Variants in TMEM59 observed in about 807,000 individuals in gnomAD.
TMEM59 encodes the protein transmembrane protein 59.
In TMEM59, 44 loss-of-function variants were observed where a neutral mutation model predicts 42.2. That is an observed-to-expected ratio of 1.04 (90% CI 0.82 to 1.34). The LOEUF (loss-of-function observed/expected upper bound fraction) is 1.34. Ranked by LOEUF, TMEM59 falls within the 40% of genes most tolerant of loss-of-function variation. TMEM59 has a pLI of 0.00. For missense variants in TMEM59, 359 were observed against 382.8 expected (o/e 0.94, Z 0.52); for synonymous variants, 148 against 145.8 (o/e 1.02, Z -0.11).
intron 7 of TMEM59, chr1:54,033,557 G>A (rs1269414689): frequency 9.0e-5 from 13 of 144,354 alleles, no homozygotes; most frequent in South Asian, 4.4e-4. Context: ...GGGTGAGATC[G>A]CGACACTGCC....
At chr1:54,037,457 C>T (rs191628847) in intron 6 of TMEM59, among the ~76,000 whole-genome samples, 3 of 152,118 alleles carry the variant, frequency 2.0e-5, no homozygotes, top group East Asian at 1.9e-4. Context: ...AACTCATGGG[C>T]GCAAGCCATT....
At chr1:54,052,227 G>A (rs1388410213) in intron 1 of TMEM59, among the ~76,000 whole-genome samples, 5 of 152,164 alleles carry the variant, frequency 3.3e-5, no homozygotes, top group African/African-American at 1.2e-4. Flanking sequence ...AAACCAACGT[G>A]AAGAGGGTTA....
At chr1:54,036,464 T>C in intron 7 of TMEM59, 146 bp downstream of exon 7, 2 of 516,970 alleles carry the variant, frequency 3.9e-6, no homozygotes, top group Non-Finnish European at 6.7e-6. Context: ...GTAATTTTTA[T>C]GTGTGCCAAC....
At chr1:54,052,940 T>G in intron 1 of TMEM59, 60 bp downstream of exon 1, 1 of 1,553,616 alleles carries the variant, frequency 6.4e-7, no homozygotes, top group Non-Finnish European at 8.7e-7. Flanking sequence ...GACATACGTG[T>G]GGGGAGCCGA....
chr1:54,045,688 G>T lies in TMEM59; in HGVS notation c.390+4C>A. 6.2e-7 allele frequency: 1 copy of T among 1,613,922 alleles called. No homozygotes were observed. Among genetic ancestry groups the T allele is most frequent in the Non-Finnish European group, 8.5e-7 (1 of 1,179,856 alleles). On this transcript the variant is annotated splice_donor_region_variant and intron_variant, in intron 3 of 7. Coordinates refer to ENST00000234831, the MANE Select transcript of TMEM59 (RefSeq NM_004872.5). ...CTAGTTTGAAAGGCAGTATTGTTTC[G>T]TACTTGTTCTTGTCTCAGTTCAGCG...
At position 54,041,580 on chromosome 1, in the gene TMEM59, G is replaced by A. The variant is rs1274339195; in HGVS notation, c.625+144C>T. On this transcript the variant is annotated intron_variant, in intron 5 of 7. Transcript: ENST00000234831. ...TGTGTTTGAACAAGCTCTCCAAACT[G>A]TAATACACATGAAAGTTTGAGAACC... The A allele has an allele frequency of 3.6e-5, 22 of 618,390 alleles. No homozygotes were observed. In the Admixed American group the frequency reaches 6.2e-4, roughly 18 times the overall value. The allele number at this position is 618,390 out of a possible 1,614,324, so 38.3% of individuals were successfully genotyped here.
chr1:54,047,560 C>A (rs77321074), intron 1 of TMEM59, 188 bp from the exon 2 acceptor site: 1 of 519,138 alleles, frequency 1.9e-6, no homozygotes, highest in East Asian at 3.6e-5. Flanking sequence ...GGTTTTAGTT[C>A]CTTATTTTAA....
In TMEM59 at chr1:54,032,124, A is replaced by T. The variant is rs1656782138; in HGVS notation, c.*26T>A. 1.3e-6 allele frequency: 2 copies of T among 1,595,266 alleles called. No individual in the cohort carries two copies. Among genetic ancestry groups the T allele is most frequent in the Non-Finnish European group, 1.7e-6 (2 of 1,172,786 alleles). ...AGGAGTGGAATTTTAGATGTCTATTACACTTGTCTTTTAAAAGAAAAATGC... is the reference window on the plus strand; with the variant it reads ...AGGAGTGGAATTTTAGATGTCTATTTCACTTGTCTTTTAAAAGAAAAATGC... On this transcript the variant is annotated 3_prime_UTR_variant, in exon 8 of 8. Transcript: ENST00000234831.
At position 54,036,593 on chromosome 1, in the gene TMEM59, G is replaced by GTC. The variant is rs3215928; in HGVS notation, c.816+16_816+17insGA. 76,179 of 1,562,260 alleles carry GTC rather than the reference G, an allele frequency of 0.049. 6,185 individuals are homozygous for GTC. Among genetic ancestry groups the GTC allele is most frequent in the African/African-American group, 0.37 (27,163 of 72,470 alleles). On this transcript the variant is annotated intron_variant, in intron 7 of 7. Coordinates refer to ENST00000234831, the MANE Select transcript of TMEM59 (RefSeq NM_004872.5). The stretch of plus-strand genomic sequence containing the variant: ...TATCACAGGGCTCAGTCTTCAAATG[G>GTC]TAAGAATTAAATTTACCTCAGAGGG...
At chr1:54,041,931 A>G (rs1247679733) in intron 4 of TMEM59, 126 bp from the exon 5 acceptor site, 3 of 647,482 alleles carry the variant, frequency 4.6e-6, no homozygotes, top group Admixed American at 6.2e-5. Flanking sequence ...ACTGTATAAA[A>G]AATAAAACAC....
Position 54,052,999 on chromosome 1 carries a change from C to T in TMEM59, c.189+1G>A, listed in dbSNP as rs1657616138. ...CGCAGCCCGCTCCGGACGGGCCCTA[C>T]CTTAGGGTAGGTGTGCAAGGGGTAG... On this transcript the variant is annotated splice_donor_variant, in intron 1 of 7. Coordinates refer to ENST00000234831, the MANE Select transcript of TMEM59 (RefSeq NM_004872.5). LOFTEE classifies it high-confidence loss of function. 3 of 1,612,648 alleles carry T rather than the reference C, an allele frequency of 1.9e-6. No individual in the cohort carries two copies. The highest frequency in any genetic ancestry group is 2.5e-6 in the Non-Finnish European group (3 of 1,179,054).
intron 6 of TMEM59, 80 bp from the exon 7 acceptor site, chr1:54,036,798 C>G: frequency 1.1e-6 from 1 of 882,246 alleles, no homozygotes; most frequent in Non-Finnish European, 1.7e-6. Context: ...ACCTTATGTA[C>G]TTAGCTCAAC....
intron 5 of TMEM59, 28 bp from the exon 6 acceptor site, chr1:54,040,865 T>C (rs1657114878): frequency 1.9e-6 from 3 of 1,568,140 alleles, no homozygotes; most frequent in Non-Finnish European, 2.6e-6. Flanking sequence ...ATGAGTTTAT[T>C]ATATCCTATA....
chr1:54,031,964 C>A lies in TMEM59; in HGVS notation c.*186G>T. Reference sequence around the variant, plus strand: ...TAATAATACAATCCCAAACATCCACCTCTTAAATTACTACAAAAACAATAC... The same window carrying A: ...TAATAATACAATCCCAAACATCCACATCTTAAATTACTACAAAAACAATAC... On this transcript the variant is annotated 3_prime_UTR_variant, in exon 8 of 8. Transcript: ENST00000234831. 1 of 472,510 alleles carries A rather than the reference C, an allele frequency of 2.1e-6. No homozygotes were observed. The highest frequency in any genetic ancestry group is 3.4e-5 in the East Asian group (1 of 29,588). The allele number at this position is 472,510 out of a possible 1,614,324, so 29.3% of individuals were successfully genotyped here.
intron 5 of TMEM59, 150 bp downstream of exon 5, chr1:54,041,574 C>T: frequency 1.8e-6 from 1 of 549,248 alleles, no homozygotes; most frequent in Admixed American, 3.6e-5. Context: ...ACAAGCTCTC[C>T]AAACTGTAAT....
In TMEM59 at chr1:54,027,929, CTG is replaced by C. The variant is rs2100285061; in HGVS notation, c.*4219_*4220del. The C allele has an allele frequency of 1.3e-5, 2 of 152,334 alleles. No individual in the cohort carries two copies. The highest frequency in any genetic ancestry group is 4.1e-4 in the South Asian group (2 of 4,830). The allele number at this position is 152,334 out of a possible 1,614,324, so 9.4% of individuals were successfully genotyped here. A position where few individuals can be genotyped will look rare whatever the true frequency, so the allele number is the denominator to read the frequency against. On this transcript the variant is annotated 3_prime_UTR_variant, in exon 8 of 8. Coordinates refer to ENST00000234831, the MANE Select transcript of TMEM59 (RefSeq NM_004872.5). The stretch of plus-strand genomic sequence containing the variant: ...CAGAAGACTAAATTTCCCGCTATCC[CTG>C]TCTTTACCACTGTACTCACCCCCAC...
chr1:54,048,843 T>G (rs1369863783), intron 1 of TMEM59, among the ~76,000 whole-genome samples: 2 of 152,216 alleles, frequency 1.3e-5, no homozygotes, highest in Admixed American at 6.5e-5. Flanking sequence ...ATCATACAAC[T>G]TTGAAGGTAG....
In TMEM59 at chr1:54,040,853, G is replaced by A. The variant is rs1569948967; in HGVS notation, c.626-16C>T. 3.1e-6 allele frequency: 5 copies of A among 1,607,582 alleles called. No individual in the cohort carries two copies. Among genetic ancestry groups the A allele is most frequent in the Middle Eastern group, 1.7e-4 (1 of 5,936 alleles). On this transcript the variant is annotated splice_polypyrimidine_tract_variant and intron_variant, in intron 5 of 7. Transcript: ENST00000234831. ...ATTTGCAGATCTGCTGAAATAGTAA[G>A]TATGAGTTTATTATATCCTATATTC...
In TMEM59 at chr1:54,029,593, C is replaced by T. The variant is rs1210286326; in HGVS notation, c.*2557G>A. On this transcript the variant is annotated 3_prime_UTR_variant, in exon 8 of 8. Transcript: ENST00000234831. Reference sequence around the variant, plus strand: ...CTTTAGGAGAAGGGGCTTGGAAGCTCAGTTTTGTTGCTTTGGTTGGGATTT... The same window carrying T: ...CTTTAGGAGAAGGGGCTTGGAAGCTTAGTTTTGTTGCTTTGGTTGGGATTT... 2 of 152,104 alleles carry T rather than the reference C, an allele frequency of 1.3e-5. No homozygotes were observed. Among genetic ancestry groups the T allele is most frequent in the African/African-American group, 2.4e-5 (1 of 41,422 alleles). The allele number at this position is 152,104 out of a possible 1,614,324, so 9.4% of individuals were successfully genotyped here. A position where few individuals can be genotyped will look rare whatever the true frequency, so the allele number is the denominator to read the frequency against.
Sources: gnomAD v4.1 joint callset for allele counts (sites outside exome capture counted in the v4.1 genomes callset) on GRCh38, gnomAD v4.1.1 for gene constraint, MANE v1.5 for transcripts, NCBI Gene and HGNC (gene_info 2026-07-23, HGNC 2026-07-21) for gene names.